NRDE2: variants seen among roughly 807,000 people sequenced by gnomAD.
NRDE2 encodes the protein nuclear exosome regulator NRDE2.
Under a neutral mutation model 124.2 loss-of-function variants are expected in NRDE2, and 76 were observed. The ratio of observed to expected loss-of-function variants is 0.61; its 90% CI spans 0.51 to 0.74. The LOEUF (loss-of-function observed/expected upper bound fraction) is 0.74. Ranked by LOEUF, NRDE2 falls within the 30% of genes least tolerant of loss-of-function variation. NRDE2 has a pLI of 0.00. For synonymous variants in NRDE2, 489 were observed against 528.1 expected (o/e 0.93, Z 1.01); for missense variants, 1,314 against 1,417.3 (o/e 0.93, Z 1.17).
chr14:90,289,644 A>G (rs1196048045), intron 10 of NRDE2, among the ~76,000 whole-genome samples: 1 of 152,134 alleles, frequency 6.6e-6, no homozygotes, highest in African/African-American at 2.4e-5. Flanking sequence ...CTGGAGTGCA[A>G]TGGTGCGATC....
intron 12 of NRDE2, among the ~76,000 whole-genome samples, chr14:90,282,684 T>G (rs1308255294): frequency 6.6e-6 from 1 of 152,046 alleles, no homozygotes; most frequent in African/African-American, 2.4e-5. Flanking sequence ...TTTTTTTTTT[T>G]GAGATGGAGT....
At chr14:90,323,777 G>A (rs1034843356) in intron 1 of NRDE2, among the ~76,000 whole-genome samples, 3 of 152,244 alleles carry the variant, frequency 2.0e-5, no homozygotes, top group East Asian at 3.8e-4. Context: ...TTCTAATATC[G>A]TAGCATGGCT....
chr14:90,289,181 C>A, intron 10 of NRDE2, 36 bp from the exon 11 acceptor site: 1 of 1,539,854 alleles, frequency 6.5e-7, no homozygotes, highest in South Asian at 1.2e-5. Flanking sequence ...TGCAGGTGCT[C>A]TGTAATTAAG....
intron 7 of NRDE2, among the ~76,000 whole-genome samples, chr14:90,300,808 G>A (rs537344281): frequency 3.6e-5 from 4 of 110,984 alleles, no homozygotes; most frequent in South Asian, 7.0e-4. Flanking sequence ...CATGACAACT[G>A]TTTCCCTGAC....
At chr14:90,297,845 G>A (rs1040926626) in intron 8 of NRDE2, among the ~76,000 whole-genome samples, 3 of 151,424 alleles carry the variant, frequency 2.0e-5, no homozygotes, top group Non-Finnish European at 2.9e-5. Context: ...GGAGCCTGAC[G>A]CATGAGAATT....
Position 90,289,003 on chromosome 14 carries a change from C to A in NRDE2, c.2372G>T (p.Trp791Leu), listed in dbSNP as rs771473107. The A allele has an allele frequency of 6.2e-7, 1 of 1,613,640 alleles. No individual in the cohort carries two copies. The highest frequency in any genetic ancestry group is 1.1e-5 in the South Asian group (1 of 91,076). ...GGCATCCTCCGTGTTGCCAAGCAAC[C>A]ACTCCAGATGTGCATACTGCTTCCA... Reference protein sequence around the residue: ...CLWKQYAHLEWLLGNTEDARK... With the variant: ...CLWKQYAHLELLLGNTEDARK... Residue 791 changes from tryptophan to leucine, a missense_variant, in exon 11 of 14, where the codon TGG (tryptophan) becomes TTG (leucine). Coordinates refer to ENST00000354366, the MANE Select transcript of NRDE2 (RefSeq NM_017970.4).
At position 90,286,459 on chromosome 14, in the gene NRDE2, A is replaced by C. The variant is rs752736603; in HGVS notation, c.3192T>G (p.Pro1064=). The C allele has an allele frequency of 1.9e-6, 3 of 1,614,132 alleles. No individual in the cohort carries two copies. Among genetic ancestry groups the C allele is most frequent in the Non-Finnish European group, 2.5e-6 (3 of 1,179,996 alleles). ...GGATCCGATGCATTAAGCCGGTCTC[A>C]GGAATTGTGGCGTGGATCTCTCTAC... ...LDGREIHATI[P]ETGLMHRIQA... Residue 1064 remains proline, a synonymous_variant, in exon 12 of 14, where the codon CCT becomes CCG. Coordinates refer to ENST00000354366, the MANE Select transcript of NRDE2 (RefSeq NM_017970.4).
chr14:90,306,953 C>T (rs576821541), intron 4 of NRDE2, among the ~76,000 whole-genome samples: 2 of 152,224 alleles, frequency 1.3e-5, no homozygotes, highest in Admixed American at 1.3e-4. Flanking sequence ...AAAAAATATA[C>T]AGTATTTTAG....
In NRDE2 at chr14:90,270,454, T is replaced by G. The variant is rs1201907001; in HGVS notation, c.*7882A>C. On this transcript the variant is annotated 3_prime_UTR_variant, in exon 14 of 14. Transcript: ENST00000354366. ...ATGGTGGTTGGCCTGGACAGGTGGG[T>G]GTCTGTATTTTAATCATCATATTGG... 6 of 1,294,744 alleles carry G rather than the reference T, an allele frequency of 4.6e-6. No individual in the cohort carries two copies. In the East Asian group the frequency reaches 1.5e-4, roughly 33 times the overall value. 80.2% of individuals were successfully genotyped at this position (1,294,744 alleles called of 1,614,324 possible). A position where few individuals can be genotyped will look rare whatever the true frequency, so the allele number is the denominator to read the frequency against.
chr14:90,308,346 G>A (rs1884694636), intron 4 of NRDE2, among the ~76,000 whole-genome samples: 1 of 152,128 alleles, frequency 6.6e-6, no homozygotes, highest in Non-Finnish European at 1.5e-5. Context: ...CCCATACACA[G>A]TGTCACTGCG....
rs573464802 is a variant in NRDE2 at position 90,270,104 on chromosome 14, A to G, written c.*8232T>C. ...TCCCACAGAATTCTGTCCGACTGAA[A>G]CTTCGTATGTAAGGAGATGGGCTGA... On this transcript the variant is annotated 3_prime_UTR_variant, in exon 14 of 14. Coordinates refer to ENST00000354366, the MANE Select transcript of NRDE2 (RefSeq NM_017970.4). 7.5e-6 allele frequency: 10 copies of G among 1,336,588 alleles called. No individual in the cohort carries two copies. The South Asian group carries it at 1.5e-4, about 20-fold the overall frequency. The allele number at this position is 1,336,588 out of a possible 1,614,324, so 82.8% of individuals were successfully genotyped here.
chr14:90,301,233 G>C lies in NRDE2; in HGVS notation c.1545+6C>G. Reference sequence around the variant, plus strand: ...AGAGAGAGATGAGGCGAGCAGAGCTGGGTACCTGTCCTTTGGTAGGCAGAT... The same window carrying C: ...AGAGAGAGATGAGGCGAGCAGAGCTCGGTACCTGTCCTTTGGTAGGCAGAT... On this transcript the variant is annotated splice_donor_region_variant and intron_variant, in intron 7 of 13. Coordinates refer to ENST00000354366, the MANE Select transcript of NRDE2 (RefSeq NM_017970.4). The C allele has an allele frequency of 6.2e-7, 1 of 1,613,250 alleles. No homozygotes were observed. Among genetic ancestry groups the C allele is most frequent in the Non-Finnish European group, 8.5e-7 (1 of 1,179,500 alleles).
Position 90,302,817 on chromosome 14 carries a change from G to C in NRDE2, c.1314C>G (p.His438Gln), listed in dbSNP as rs765494977. The part of the protein sequence containing the change: ...QFSTFSISKI[H>Q]SLYGKCLSTL... The stretch of plus-strand genomic sequence containing the variant: ...TGCTCAAGCATTTTCCATAAAGACT[G>C]TGAATTTTTGATATCGAAAAGGTAC... The change falls in exon 6 of 14, where the codon CAC (histidine) becomes CAG (glutamine). Residue 438 changes from histidine to glutamine, a missense_variant. Transcript: ENST00000354366. 1 of 1,614,080 alleles carries C rather than the reference G, an allele frequency of 6.2e-7. No homozygotes were observed. Among genetic ancestry groups the C allele is most frequent in the South Asian group, 1.1e-5 (1 of 91,080 alleles).
intron 9 of NRDE2, among the ~76,000 whole-genome samples, chr14:90,291,973 A>G (rs894376674): frequency 1.3e-5 from 2 of 152,274 alleles, no homozygotes; most frequent in Admixed American, 1.3e-4. Context: ...AGAAAAGGTC[A>G]CAGAGCTCCA....
Position 90,279,074 on chromosome 14 carries a change from G to C in NRDE2, c.3357C>G (p.Cys1119Trp). 6.2e-7 allele frequency: 1 copy of C among 1,611,708 alleles called. No individual in the cohort carries two copies. The highest frequency in any genetic ancestry group is 8.5e-7 in the Non-Finnish European group (1 of 1,177,708). The change falls in exon 13 of 14, where the codon TGC becomes TGG. Residue 1119 changes from cysteine to tryptophan, a missense_variant. Coordinates refer to ENST00000354366, the MANE Select transcript of NRDE2 (RefSeq NM_017970.4). ...CTTTAACACTTACCTTTGCCCAAGG[G>C]CAATTCTGAAGTGCTTTGTAGAATA... ...KGVFYKALQN[C>W]PWAKVLYLDA...
chr14:90,310,722 G>A (rs1190622871), intron 4 of NRDE2, among the ~76,000 whole-genome samples: 1 of 151,996 alleles, frequency 6.6e-6, no homozygotes, highest in Non-Finnish European at 1.5e-5. Context: ...GTTTCACCAC[G>A]TTGGCCAGGC....
intron 12 of NRDE2, among the ~76,000 whole-genome samples, chr14:90,285,735 G>T (rs1006983274): frequency 6.6e-6 from 1 of 152,050 alleles, no homozygotes; most frequent in Non-Finnish European, 1.5e-5. Context: ...TGGGCTCAAA[G>T]AATCCTCCTG....
chr14:90,270,858 G>A lies in NRDE2; in HGVS notation c.*7478C>T, dbSNP rs1288587859. 3 of 152,298 alleles carry A rather than the reference G, an allele frequency of 2.0e-5. No individual in the cohort carries two copies. The highest frequency in any genetic ancestry group is 7.2e-5 in the African/African-American group (3 of 41,458). The allele number at this position is 152,298 out of a possible 1,614,324, so 9.4% of individuals were successfully genotyped here. On this transcript the variant is annotated 3_prime_UTR_variant, in exon 14 of 14. Transcript: ENST00000354366. ...GCAAGGTCTGGCAGCGTTGAATATG[G>A]GTTCTACCTGCTTTTCCTGGAAAGA...
intron 6 of NRDE2, chr14:90,301,764 CATTACT>C (rs759206685): frequency 4.2e-5 from 19 of 456,298 alleles, no homozygotes; most frequent in South Asian, 2.9e-4. Context: ...CACTAGATGG[CATTACT>C]CACCAGCAAC....
Sources: allele counts gnomAD v4.1 joint callset (sites outside exome capture counted in the v4.1 genomes callset), GRCh38; gene constraint gnomAD v4.1.1; transcripts MANE v1.5; gene names NCBI Gene and HGNC (gene_info 2026-07-23, HGNC 2026-07-21).